Variants in METTL15 observed in about 807,000 individuals in gnomAD.
The protein encoded by METTL15 is methyltransferase 15, mitochondrial 12S rRNA N4-cytidine, also known as 12S rRNA N(4)-cytidine methyltransferase METTL15.
METTL15 carries 34 observed loss-of-function variants against 38.3 expected under a neutral mutation model. The ratio of observed to expected loss-of-function variants is 0.89; its 90% CI spans 0.68 to 1.18. The LOEUF (loss-of-function observed/expected upper bound fraction) is 1.18, where lower values mean the gene tolerates loss of function less well. Ranked by LOEUF, METTL15 falls within the 50% of genes most tolerant of loss-of-function variation. The probability of loss-of-function intolerance (pLI) is 0.00; values close to 1 mark genes in which losing one functional copy is unlikely to be tolerated. For synonymous variants in METTL15, 162 were observed against 170.9 expected, an observed-to-expected ratio of 0.95 and a Z score of 0.41; for missense variants, 438 against 498.4, an observed-to-expected ratio of 0.88 and a Z score of 1.15.
chr11:28,512,876 C>G (rs970181556), intron 6 of METTL15, among the ~76,000 whole-genome samples: 8 of 152,176 alleles, frequency 5.3e-5, no homozygotes, highest in African/African-American at 1.7e-4. Flanking sequence ...GCGAGGGCTG[C>G]CAGCATGCTG....
intron 6 of METTL15, among the ~76,000 whole-genome samples, chr11:28,444,801 C>T (rs147484345): frequency 1.5e-4 from 23 of 152,268 alleles, no homozygotes; most frequent in African/African-American, 4.6e-4. Context: ...ACATTCTCAC[C>T]GTAGCCTACA....
intron 6 of METTL15, among the ~76,000 whole-genome samples, chr11:28,497,066 T>G (rs1272136967): frequency 2.0e-5 from 3 of 152,216 alleles, no homozygotes; most frequent in Non-Finnish European, 4.4e-5. Context: ...TAACCTGGTT[T>G]AAGGATAAAG....
At chr11:28,408,895 C>T (rs1428129353) in intron 5 of METTL15, among the ~76,000 whole-genome samples, 1 of 152,094 alleles carries the variant, frequency 6.6e-6, no homozygotes, top group Non-Finnish European at 1.5e-5. Context: ...AAGTTTACCA[C>T]ACCCTCTTTC....
At chr11:28,121,272 C>T (rs1017649651) in intron 3 of METTL15, among the ~76,000 whole-genome samples, 12 of 152,072 alleles carry the variant, frequency 7.9e-5, no homozygotes, top group African/African-American at 2.9e-4. Flanking sequence ...CAGTATAGTG[C>T]TTGACTCTTA....
chr11:28,386,122 A>G (rs1443241192), intron 5 of METTL15, among the ~76,000 whole-genome samples: 1 of 152,082 alleles, frequency 6.6e-6, no homozygotes, highest in African/African-American at 2.4e-5. Context: ...TATACACAGA[A>G]AACGAGAAAG....
chr11:28,216,482 G>A (rs1375339199), intron 4 of METTL15, among the ~76,000 whole-genome samples: 2 of 152,100 alleles, frequency 1.3e-5, no homozygotes, highest in Non-Finnish European at 2.9e-5. Context: ...TCTAGATGGT[G>A]TGAAAAAATT....
chr11:28,409,165 G>A (rs1013545471), intron 5 of METTL15, among the ~76,000 whole-genome samples: 1 of 151,848 alleles, frequency 6.6e-6, no homozygotes, highest in Non-Finnish European at 1.5e-5. Context: ...GGCGGATCAC[G>A]AGGTCTGGAG....
intron 4 of METTL15, chr11:28,287,373 T>TA (rs1197418742): frequency 3.0e-6 from 1 of 335,486 alleles, no homozygotes; most frequent in Non-Finnish European, 5.8e-6. Flanking sequence ...TTTTTCTAGA[T>TA]CTTTGAGTTG....
At chr11:28,293,868 G>A (rs1182465987) in intron 5 of METTL15, among the ~76,000 whole-genome samples, 1 of 152,050 alleles carries the variant, frequency 6.6e-6, no homozygotes, top group Non-Finnish European at 1.5e-5. Context: ...GTCTGTTATT[G>A]GTGTATAGGA....
chr11:28,445,298 A>C (rs1851066046), intron 6 of METTL15, among the ~76,000 whole-genome samples: 1 of 152,162 alleles, frequency 6.6e-6, no homozygotes, highest in African/African-American at 2.4e-5. Flanking sequence ...TTTCAGATTA[A>C]CCAGTTTTAA....
chr11:28,451,251 G>A (rs941224166), intron 6 of METTL15, among the ~76,000 whole-genome samples: 13 of 151,962 alleles, frequency 8.6e-5, no homozygotes, highest in Non-Finnish European at 4.4e-5. Context: ...ACATCAATTG[G>A]AGATTAACAG....
intron 3 of METTL15, among the ~76,000 whole-genome samples, chr11:28,177,387 A>G (rs2133775424): frequency 6.6e-6 from 1 of 152,176 alleles, no homozygotes; most frequent in East Asian, 1.9e-4. Flanking sequence ...GATGATTGAA[A>G]CAAATGTCTT....
chr11:28,172,429 T>C (rs1242180742), intron 3 of METTL15, among the ~76,000 whole-genome samples: 1 of 152,186 alleles, frequency 6.6e-6, no homozygotes, highest in Non-Finnish European at 1.5e-5. Context: ...TAGCTCAGGT[T>C]ACTAATTTGA....
chr11:28,353,462 C>G (rs185818581), intron 4 of METTL15, among the ~76,000 whole-genome samples: 17 of 152,134 alleles, frequency 1.1e-4, no homozygotes, highest in African/African-American at 3.6e-4. Flanking sequence ...AACAGAGGCT[C>G]ATATGATTAT....
chr11:28,406,916 G>T (rs1349869109), intron 5 of METTL15, among the ~76,000 whole-genome samples: 1 of 152,130 alleles, frequency 6.6e-6, no homozygotes, highest in Non-Finnish European at 1.5e-5. Context: ...TTTTATCAAA[G>T]ACCTTTTCTG....
At chr11:28,262,602 A>C (rs1186575841) in intron 4 of METTL15, among the ~76,000 whole-genome samples, 4 of 152,080 alleles carry the variant, frequency 2.6e-5, no homozygotes, top group Non-Finnish European at 4.4e-5. Context: ...GAAATTCAAG[A>C]CTAAAAATTT....
At chr11:28,443,004 A>G (rs1022338928) in intron 6 of METTL15, among the ~76,000 whole-genome samples, 3 of 152,212 alleles carry the variant, frequency 2.0e-5, no homozygotes, top group Non-Finnish European at 4.4e-5. Flanking sequence ...TCTTAAGTGT[A>G]AAGTTTGATA....
chr11:28,475,049 T>G (rs1450426732), intron 6 of METTL15, among the ~76,000 whole-genome samples: 1 of 152,158 alleles, frequency 6.6e-6, no homozygotes, highest in African/African-American at 2.4e-5. Context: ...TTATTTGAAC[T>G]GGATCTGGAT....
At chr11:28,221,096 G>A (rs902972670) in intron 4 of METTL15, among the ~76,000 whole-genome samples, 2 of 152,068 alleles carry the variant, frequency 1.3e-5, no homozygotes, top group African/African-American at 4.8e-5. Flanking sequence ...TCCTGCATTT[G>A]AATGTTGGCC....
Sources: allele counts gnomAD v4.1 joint callset (sites outside exome capture counted in the v4.1 genomes callset), GRCh38; gene constraint gnomAD v4.1.1; transcripts MANE v1.5; gene names NCBI Gene and HGNC (gene_info 2026-07-23, HGNC 2026-07-21).